The following ADRA1A variants were observed in gnomAD, a reference collection of about 807,000 sequenced individuals.
The protein encoded by ADRA1A is adrenoceptor alpha 1A.
In ADRA1A, 31 loss-of-function variants were observed where a neutral mutation model predicts 29.6. The ratio of observed to expected loss-of-function variants is 1.05; its 90% CI spans 0.79 to 1.41. The LOEUF is 1.41. ADRA1A is among the 40% of genes most tolerant of loss of function. ADRA1A has a pLI of 0.00. For missense variants in ADRA1A, 619 were observed against 601.1 expected (o/e 1.03, Z -0.31); for synonymous variants, 311 against 254.3 (o/e 1.22, Z -2.12).
At position 26,864,883 on chromosome 8, in the gene ADRA1A, G is replaced by C; in HGVS notation, c.87C>G (p.Leu29=). ...GAATGAGGCCCCCCAAGATCACCCC[G>C]AGCAGAATGGCCTTGGAAATGTTCA... ...APVNISKAIL[L]GVILGGLILF... Residue 29 remains leucine (L), a synonymous_variant, in exon 2 of 3, where the codon CTC becomes CTG. Coordinates refer to ENST00000380573, the MANE Select transcript of ADRA1A (RefSeq NM_000680.4). This position sits in a 1 kb window ranked among gnomAD's most constrained non-coding sequence, Gnocchi z 8.1. 1 of 1,614,078 alleles carries C rather than the reference G, an allele frequency of 6.2e-7. No homozygotes were observed. The highest frequency in any genetic ancestry group is 2.2e-5 in the East Asian group (1 of 44,852).
downstream of ADRA1A, among the ~76,000 whole-genome samples, chr8:26,754,572 C>T (rs1805068944): frequency 3.9e-5 from 6 of 151,994 alleles, no homozygotes; most frequent in South Asian, 6.2e-4. Flanking sequence ...GCTTCTCTGG[C>T]AACATGGAAA....
At chr8:26,836,123 G>T in intron 2 of ADRA1A, 1 of 203,784 alleles carries the variant, frequency 4.9e-6, no homozygotes, top group South Asian at 1.1e-4. Context: ...CCTTCTCACA[G>T]AGGTGGAAGT....
downstream of ADRA1A, among the ~76,000 whole-genome samples, chr8:26,764,005 A>C (rs1805643797): frequency 6.6e-6 from 1 of 152,158 alleles, no homozygotes; most frequent in Non-Finnish European, 1.5e-5. Context: ...CATTTATAAC[A>C]ATGCCTCTTG....
chr8:26,792,005 T>C (rs986527077), intron 2 of ADRA1A, among the ~76,000 whole-genome samples: 1 of 152,192 alleles, frequency 6.6e-6, no homozygotes, highest in East Asian at 1.9e-4. Flanking sequence ...GTTTCACTTA[T>C]GAAATGTAAT....
chr8:26,797,372 C>T (rs977456490), intron 2 of ADRA1A, among the ~76,000 whole-genome samples: 11 of 152,198 alleles, frequency 7.2e-5, no homozygotes, highest in East Asian at 1.9e-4. Flanking sequence ...TCACAGTTCA[C>T]GGTAGCCTTC....
intron 2 of ADRA1A, among the ~76,000 whole-genome samples, chr8:26,833,728 A>T: frequency 6.6e-6 from 1 of 152,260 alleles, no homozygotes; most frequent in East Asian, 1.9e-4. Context: ...ACTGTCTTTC[A>T]TACTTCTCTG....
chr8:26,786,724 C>T (rs1807415531), intron 2 of ADRA1A, among the ~76,000 whole-genome samples: 1 of 143,122 alleles, frequency 7.0e-6, no homozygotes, highest in Non-Finnish European at 1.5e-5. Flanking sequence ...CATCCATATA[C>T]CTCAGACTCC....
downstream of ADRA1A, among the ~76,000 whole-genome samples, chr8:26,751,407 A>G (rs778568387): frequency 6.6e-6 from 1 of 152,240 alleles, no homozygotes; most frequent in Non-Finnish European, 1.5e-5. Context: ...AATAATAATA[A>G]TAGGCTGGCA....
rs61759739 is a variant in ADRA1A at position 26,768,831 on chromosome 8, C to T, written c.*1318G>A. The T allele has an allele frequency of 0.067, 62,264 of 934,778 alleles. 2,166 individuals are homozygous for T. The highest frequency in any genetic ancestry group is 0.087 in the Middle Eastern group (158 of 1,816). The allele number at this position is 934,778 out of a possible 1,614,324, so 57.9% of individuals were successfully genotyped here. On this transcript the variant is annotated 3_prime_UTR_variant, in exon 3 of 3. Coordinates refer to ENST00000380573, the MANE Select transcript of ADRA1A (RefSeq NM_000680.4). ...TTCTGTACTGAGTTATTATGGTTTA[C>T]CAAAATTTGGTATACATAAAGCAAA...
At chr8:26,846,842 G>C (rs190223677) in intron 2 of ADRA1A, among the ~76,000 whole-genome samples, 1 of 152,116 alleles carries the variant, frequency 6.6e-6, no homozygotes, top group Admixed American at 6.5e-5. Context: ...ATGATAGACT[G>C]GATTAAGAAA....
chr8:26,854,849 AT>A (rs1395539669), intron 2 of ADRA1A, among the ~76,000 whole-genome samples: 1 of 152,102 alleles, frequency 6.6e-6, no homozygotes, highest in Non-Finnish European at 1.5e-5. Flanking sequence ...CTATGTTGGA[AT>A]CCTGGCCCCC....
intron 2 of ADRA1A, among the ~76,000 whole-genome samples, chr8:26,778,012 G>T (rs1415068936): frequency 6.6e-6 from 1 of 152,246 alleles, no homozygotes; most frequent in Non-Finnish European, 1.5e-5. Flanking sequence ...TCTGCAAGTG[G>T]CAGCTAAAGT....
At chr8:26,782,784 C>T (rs1807089802) in intron 2 of ADRA1A, among the ~76,000 whole-genome samples, 1 of 152,150 alleles carries the variant, frequency 6.6e-6, no homozygotes, top group African/African-American at 2.4e-5. Context: ...ACCAGACATC[C>T]CTCCTGATGT....
intron 2 of ADRA1A, among the ~76,000 whole-genome samples, chr8:26,776,532 G>T (rs2130321903): frequency 6.6e-6 from 1 of 152,314 alleles, no homozygotes; most frequent in East Asian, 1.9e-4. Flanking sequence ...GACGCGAGTA[G>T]TTCCCCCAAA....
chr8:26,770,041 C>G lies in ADRA1A; in HGVS notation c.*108G>C. On this transcript the variant is annotated 3_prime_UTR_variant, in exon 3 of 3. Transcript: ENST00000380573. ...ACCACCCACCCCATTCCCAGCAGGT[C>G]CCCTCTTTGATTGGTCCTGTCTTGT... 6.7e-7 allele frequency: 1 copy of G among 1,482,064 alleles called. No homozygotes were observed. Among genetic ancestry groups the G allele is most frequent in the Non-Finnish European group, 8.9e-7 (1 of 1,118,268 alleles). 91.8% of individuals were successfully genotyped at this position (1,482,064 alleles called of 1,614,324 possible). A position where few individuals can be genotyped will look rare whatever the true frequency, so the allele number is the denominator to read the frequency against.
chr8:26,787,743 G>T lies in ADRA1A; in HGVS notation c.884-17077C>A, dbSNP rs887295040. 4.6e-5 allele frequency among the ~76,000 whole-genome samples: 7 copies of T among 152,052 alleles called. No homozygotes were observed. The highest frequency in any genetic ancestry group is 1.7e-4 in the African/African-American group (7 of 41,400). On this transcript the variant is annotated intron_variant, in intron 2 of 2. Coordinates refer to ENST00000380573, the MANE Select transcript of ADRA1A (RefSeq NM_000680.4). This position sits in a 1 kb window ranked among gnomAD's most constrained non-coding sequence, Gnocchi z 4.2. The stretch of plus-strand genomic sequence containing the variant: ...GTAGTTCAGGGATGAGGGCAAGATT[G>T]TTCCCTTTTCTGTGCCTCAGTTTCC...
intron 2 of ADRA1A, among the ~76,000 whole-genome samples, chr8:26,843,893 G>C (rs1300769178): frequency 6.6e-6 from 1 of 152,152 alleles, no homozygotes; most frequent in Non-Finnish European, 1.5e-5. Flanking sequence ...TAATAAATTG[G>C]CGAACACGTG....
chr8:26,850,918 A>T (rs1294957516), intron 2 of ADRA1A, among the ~76,000 whole-genome samples: 1 of 152,348 alleles, frequency 6.6e-6, no homozygotes, highest in South Asian at 2.1e-4. Context: ...CCACTGTCGC[A>T]TGGAAGCACC....
intron 2 of ADRA1A, among the ~76,000 whole-genome samples, chr8:26,786,519 C>A (rs1807401007): frequency 6.6e-6 from 1 of 152,144 alleles, no homozygotes; most frequent in African/African-American, 2.4e-5. Context: ...CGTGCCTCAG[C>A]CTCAGCCTCC....
Sources: gnomAD v4.1 joint callset for allele counts (sites outside exome capture counted in the v4.1 genomes callset) on GRCh38, gnomAD v4.1.1 for gene constraint, Gnocchi (gnomAD v3.1) non-coding constraint, MANE v1.5 for transcripts, NCBI Gene and HGNC (gene_info 2026-07-23, HGNC 2026-07-21) for gene names.